Variants in SLIT3 observed in about 807,000 individuals in gnomAD.
The protein encoded by SLIT3 is slit guidance ligand 3.
A neutral mutation model predicts 184.0 loss-of-function variants in SLIT3; 68 were observed. The observed-to-expected ratio is 0.37, with a 90% confidence interval of 0.30 to 0.45. The LOEUF is 0.45. Among genes scored for constraint, SLIT3 ranks in the 20% least tolerant of loss-of-function variants. The pLI is 1.00. For synonymous variants in SLIT3, 831 were observed against 828.6 expected (o/e 1.00, Z -0.05); for missense variants, 1,707 against 2,026.0 (o/e 0.84, Z 3.02).
At chr5:169,128,394 G>C (rs1183328741) in intron 4 of SLIT3, among the ~76,000 whole-genome samples, 1 of 151,440 alleles carries the variant, frequency 6.6e-6, no homozygotes, top group African/African-American at 2.4e-5. Context: ...CTTTTTCTGG[G>C]CTCTTCCATC....
At chr5:168,675,363 G>A (rs57404896) in intron 32 of SLIT3, among the ~76,000 whole-genome samples, 2,101 of 152,312 alleles carry the variant, frequency 0.014, 50 homozygotes, top group African/African-American at 0.048. Flanking sequence ...AGCCAAAAAG[G>A]CAAGAGAAAT....
intron 1 of SLIT3, among the ~76,000 whole-genome samples, chr5:169,297,256 G>T (rs1259527916): frequency 6.6e-6 from 1 of 152,176 alleles, no homozygotes; most frequent in Non-Finnish European, 1.5e-5. Flanking sequence ...GTTTATAAAA[G>T]ACAGAGTTTC....
rs1760885258 is a variant in SLIT3 at position 168,662,291 on chromosome 5, G to C, written c.*4163C>G. On this transcript the variant is annotated 3_prime_UTR_variant, in exon 36 of 36. Coordinates refer to ENST00000519560, the MANE Select transcript of SLIT3 (RefSeq NM_003062.4). ...TGGTATCTGGGATCTTGAGTCTGAGGGGCAGGTCACTTGTTGCTATGGGCT... is the reference window on the plus strand; with the variant it reads ...TGGTATCTGGGATCTTGAGTCTGAGCGGCAGGTCACTTGTTGCTATGGGCT... 6.6e-6 allele frequency: 1 copy of C among 152,230 alleles called. No individual in the cohort carries two copies. Among genetic ancestry groups the C allele is most frequent in the South Asian group, 2.1e-4 (1 of 4,828 alleles). The allele number at this position is 152,230 out of a possible 1,614,324, so 9.4% of individuals were successfully genotyped here.
At chr5:168,958,019 T>C (rs755044123) in intron 4 of SLIT3, among the ~76,000 whole-genome samples, 7 of 152,230 alleles carry the variant, frequency 4.6e-5, no homozygotes, top group Non-Finnish European at 1.0e-4. Flanking sequence ...CTTTCTGAAA[T>C]GTTTTTGAGG....
chr5:169,074,835 G>T (rs1159577756), intron 4 of SLIT3, among the ~76,000 whole-genome samples: 1 of 152,156 alleles, frequency 6.6e-6, no homozygotes, highest in African/African-American at 2.4e-5. Context: ...ACCTGAGGGT[G>T]GGACAAGGCC....
intron 4 of SLIT3, among the ~76,000 whole-genome samples, chr5:169,126,173 T>C (rs2113300996): frequency 6.6e-6 from 1 of 152,366 alleles, no homozygotes; most frequent in East Asian, 1.9e-4. Context: ...TAGGACTATC[T>C]TCCTTTGCAG....
chr5:169,168,420 C>T (rs1223697467), intron 4 of SLIT3, among the ~76,000 whole-genome samples: 4 of 152,188 alleles, frequency 2.6e-5, no homozygotes, highest in African/African-American at 9.7e-5. Context: ...TTCTCCCCTG[C>T]CTTGAAGCCT....
At chr5:169,069,839 C>T (rs944724807) in intron 4 of SLIT3, among the ~76,000 whole-genome samples, 3 of 151,970 alleles carry the variant, frequency 2.0e-5, no homozygotes, top group African/African-American at 7.3e-5. Context: ...CAGGCAGGCA[C>T]CAGACCAGAC....
intron 12 of SLIT3, among the ~76,000 whole-genome samples, chr5:168,774,955 A>G (rs372895157): frequency 6.6e-6 from 1 of 151,598 alleles, no homozygotes; most frequent in East Asian, 1.9e-4. Flanking sequence ...ACAGAGCCCC[A>G]TGTGGTTTGA....
chr5:168,884,549 G>GAGATATATAT (rs1260481453), intron 4 of SLIT3, among the ~76,000 whole-genome samples: 3 of 41,136 alleles, frequency 7.3e-5, no homozygotes, highest in African/African-American at 3.3e-4. Flanking sequence ...CCAATTACGA[G>GAGATATATAT]ATATATATAT....
At chr5:169,079,401 G>A (rs903313765) in intron 4 of SLIT3, among the ~76,000 whole-genome samples, 3 of 137,522 alleles carry the variant, frequency 2.2e-5, no homozygotes, top group East Asian at 2.4e-4. Flanking sequence ...CAGCTGAAAC[G>A]AAAACTCCCA....
chr5:168,877,941 T>C (rs1465124214), intron 5 of SLIT3, among the ~76,000 whole-genome samples: 2 of 152,208 alleles, frequency 1.3e-5, no homozygotes, highest in African/African-American at 2.4e-5. Context: ...TCTCTCTTGT[T>C]TTCCCAATTC....
rs1350996835 is a variant in SLIT3, at chr5:168,662,050, C to T, written c.*4404G>A. ...TTGAGCCCACACTACAAAACATGAA[C>T]AAGTCCCACAAAACCACACTATGCC... is the stretch of plus-strand genomic sequence containing the variant. On this transcript the variant is annotated 3_prime_UTR_variant, in exon 36 of 36. Transcript: ENST00000519560. The T allele has an allele frequency of 6.6e-6, 1 of 152,192 alleles. No individual in the cohort carries two copies. Among genetic ancestry groups the T allele is most frequent in the Non-Finnish European group, 1.5e-5 (1 of 68,046 alleles). The allele number at this position is 152,192 out of a possible 1,614,324, so 9.4% of individuals were successfully genotyped here. A position where few individuals can be genotyped will look rare whatever the true frequency, so the allele number is the denominator to read the frequency against.
chr5:169,060,592 T>C (rs1317590239), intron 4 of SLIT3, among the ~76,000 whole-genome samples: 2 of 152,166 alleles, frequency 1.3e-5, no homozygotes, highest in African/African-American at 2.4e-5. Context: ...GAGCTGCAAC[T>C]GGGGTGTGAG....
chr5:168,955,280 G>T (rs1242766176), intron 4 of SLIT3, among the ~76,000 whole-genome samples: 1 of 152,188 alleles, frequency 6.6e-6, no homozygotes, highest in Admixed American at 6.5e-5. Context: ...TGGCATTTTT[G>T]AAAAGAAAAT....
intron 4 of SLIT3, among the ~76,000 whole-genome samples, chr5:169,123,301 T>C (rs1470092422): frequency 6.6e-6 from 1 of 152,174 alleles, no homozygotes; most frequent in Non-Finnish European, 1.5e-5. Context: ...AAATCATTGA[T>C]GCTTTATGAA....
At chr5:169,131,888 A>C (rs1368741420) in intron 4 of SLIT3, among the ~76,000 whole-genome samples, 1 of 152,180 alleles carries the variant, frequency 6.6e-6, no homozygotes, top group Non-Finnish European at 1.5e-5. Flanking sequence ...TTAAATATCA[A>C]ACAAAGTCTA....
intron 4 of SLIT3, among the ~76,000 whole-genome samples, chr5:168,987,082 G>A (rs949665155): frequency 3.3e-5 from 5 of 152,060 alleles, no homozygotes; most frequent in Admixed American, 2.6e-4. Context: ...TATCAAACAC[G>A]GACTTGGCCA....
chr5:169,062,879 AC>A (rs1357645166), intron 4 of SLIT3, among the ~76,000 whole-genome samples: 9 of 152,204 alleles, frequency 5.9e-5, no homozygotes, highest in Non-Finnish European at 1.3e-4. Context: ...AAGACCTTTA[AC>A]CAAGAATGAC....
Sources: allele counts gnomAD v4.1 joint callset (sites outside exome capture counted in the v4.1 genomes callset), GRCh38; gene constraint gnomAD v4.1.1; transcripts MANE v1.5; gene names NCBI Gene and HGNC (gene_info 2026-07-23, HGNC 2026-07-21).